Variants in TEAD1 observed in about 807,000 individuals in gnomAD.
TEAD1 encodes the protein transcriptional enhancer factor TEF-1.
In TEAD1, 9 loss-of-function variants were observed where a neutral mutation model predicts 54.9. The ratio of observed to expected loss-of-function variants is 0.16; its 90% CI spans 0.10 to 0.29. TEAD1 has a LOEUF of 0.29. TEAD1 is among the 10% of genes least tolerant of loss of function. The pLI, the probability that TEAD1 is intolerant of heterozygous loss-of-function variation, is 1.00. For missense variants in TEAD1, 387 were observed against 535.9 expected, an observed-to-expected ratio of 0.72 and a Z score of 2.74; for synonymous variants, 200 against 187.8, an observed-to-expected ratio of 1.07 and a Z score of -0.53.
At chr11:12,845,320 A>G (rs775464067) in intron 3 of TEAD1, among the ~76,000 whole-genome samples, 68 of 152,142 alleles carry the variant, frequency 4.5e-4, no homozygotes, top group Non-Finnish European at 8.2e-4. Context: ...CTCTCTCTGC[A>G]GGGAAAGAGA....
chr11:12,878,659 G>T (rs1379825127), intron 5 of TEAD1, among the ~76,000 whole-genome samples: 1 of 151,890 alleles, frequency 6.6e-6, no homozygotes, highest in African/African-American at 2.4e-5. Flanking sequence ...GTTGTTGGGT[G>T]CCCTTCTCAA....
At chr11:12,714,917 C>T (rs1590077044) in intron 2 of TEAD1, among the ~76,000 whole-genome samples, 1 of 152,122 alleles carries the variant, frequency 6.6e-6, no homozygotes, top group East Asian at 1.9e-4. Flanking sequence ...CTTTAAAAGG[C>T]CATGTCTCCA....
At position 12,902,128 on chromosome 11, in the gene TEAD1, G is replaced by T. The variant is rs747285072; in HGVS notation, c.873+15G>T. The T allele has an allele frequency of 6.2e-7, 1 of 1,614,212 alleles. No homozygotes were observed. The highest frequency in any genetic ancestry group is 8.5e-7 in the Non-Finnish European group (1 of 1,180,032). The stretch of plus-strand genomic sequence containing the variant: ...TAAAATTCTGGGTGAGTAAGACATT[G>T]CTGTGATTTCCGTGGTTTTTGTCTG... On this transcript the variant is annotated intron_variant, in intron 10 of 12. Coordinates refer to ENST00000527636, the MANE Select transcript of TEAD1 (RefSeq NM_021961.6).
At chr11:12,681,039 C>G (rs578073673) in intron 2 of TEAD1, among the ~76,000 whole-genome samples, 1 of 152,298 alleles carries the variant, frequency 6.6e-6, no homozygotes, top group South Asian at 2.1e-4. Context: ...GGTGGAATCT[C>G]TTTCAATCCT....
At chr11:12,906,325 A>C (rs1435042324) in intron 10 of TEAD1, among the ~76,000 whole-genome samples, 3 of 152,084 alleles carry the variant, frequency 2.0e-5, no homozygotes, top group Admixed American at 6.6e-5. Context: ...GCAGATCATG[A>C]GGTCAGGAGA....
chr11:12,797,150 T>G (rs528718760), intron 3 of TEAD1, among the ~76,000 whole-genome samples: 2 of 152,274 alleles, frequency 1.3e-5, no homozygotes, highest in African/African-American at 4.8e-5. Flanking sequence ...CCGTTGTAGG[T>G]TTTGTGGTGA....
At chr11:12,763,126 G>C (rs945040679) in intron 2 of TEAD1, among the ~76,000 whole-genome samples, 1 of 152,218 alleles carries the variant, frequency 6.6e-6, no homozygotes, top group Non-Finnish European at 1.5e-5. Flanking sequence ...TACTGGATTA[G>C]ATCATTTTCA....
chr11:12,854,680 C>T (rs1187938058), intron 3 of TEAD1, among the ~76,000 whole-genome samples: 4 of 151,912 alleles, frequency 2.6e-5, no homozygotes, highest in Non-Finnish European at 1.5e-5. Context: ...CATGCTTGAA[C>T]TCCTGGGTTC....
At chr11:12,845,593 G>T (rs1947129855) in intron 3 of TEAD1, among the ~76,000 whole-genome samples, 4 of 152,200 alleles carry the variant, frequency 2.6e-5, no homozygotes, top group African/African-American at 9.7e-5. Context: ...AATGGGAACT[G>T]CACAGCCAGT....
chr11:12,828,274 T>G (rs1463781771), intron 3 of TEAD1: 1 of 152,244 alleles, frequency 6.6e-6, no homozygotes, highest in Non-Finnish European at 1.5e-5. Flanking sequence ...ACAATTGCTG[T>G]GCTTGTTCGG....
At chr11:12,785,973 C>T (rs953778985) in intron 3 of TEAD1, among the ~76,000 whole-genome samples, 1 of 152,168 alleles carries the variant, frequency 6.6e-6, no homozygotes, top group Non-Finnish European at 1.5e-5. Context: ...AGAGCAGCAT[C>T]CTACTCTGCA....
intron 3 of TEAD1, among the ~76,000 whole-genome samples, chr11:12,821,961 C>CTTTTTTTTCTTTTTTTTTTTTT (rs1946557071): frequency 1.5e-5 from 1 of 68,084 alleles, no homozygotes; most frequent in Non-Finnish European, 2.5e-5. Context: ...TTCTCTTTTC[C>CTTTTTTTTCTTTTTTTTTTTTT]TTTTTTTTTT....
chr11:12,899,707 G>T (rs1948387878), intron 9 of TEAD1, among the ~76,000 whole-genome samples: 1 of 152,154 alleles, frequency 6.6e-6, no homozygotes, highest in African/African-American at 2.4e-5. Context: ...CCTGCCAGGT[G>T]GCTAGTCCAT....
intron 3 of TEAD1, among the ~76,000 whole-genome samples, chr11:12,804,455 T>C (rs925352288): frequency 2.0e-5 from 3 of 152,242 alleles, no homozygotes; most frequent in African/African-American, 7.2e-5. Flanking sequence ...TGCTTTTTAA[T>C]TTTATCTACT....
intron 2 of TEAD1, among the ~76,000 whole-genome samples, chr11:12,727,582 A>C (rs377680702): frequency 1.1e-4 from 16 of 152,200 alleles, no homozygotes; most frequent in African/African-American, 3.9e-4. Context: ...CTTTGTAATA[A>C]AAATTTGGGA....
Position 12,881,913 on chromosome 11 carries a change from A to G in TEAD1, c.530A>G (p.Gln177Arg), listed in dbSNP as rs1947979334. The change falls in exon 8 of 13, where the codon CAG (glutamine) becomes CGG (arginine). Residue 177 changes from glutamine to arginine, a missense_variant. Transcript: ENST00000527636. ...GTTCCCAGCGTCAAGCCTTTTGTGC[A>G]GCAGGCCTACCCCATCCAGCCAGCG... 1 of 1,614,212 alleles carries G rather than the reference A, an allele frequency of 6.2e-7. No homozygotes were observed. The highest frequency in any genetic ancestry group is 8.5e-7 in the Non-Finnish European group (1 of 1,180,032).
chr11:12,912,482 C>CA (rs11385550), intron 10 of TEAD1, among the ~76,000 whole-genome samples: 7,172 of 151,982 alleles, frequency 0.047, 300 homozygotes, highest in East Asian at 0.12. Context: ...AGTGGATACT[C>CA]ATGTACAGAC....
chr11:12,890,066 A>G (rs1208481006), intron 9 of TEAD1, among the ~76,000 whole-genome samples: 1 of 152,168 alleles, frequency 6.6e-6, no homozygotes, highest in African/African-American at 2.4e-5. Context: ...CATCACCAGC[A>G]CTTATGAGCT....
chr11:12,907,263 G>A (rs910736903), intron 10 of TEAD1, among the ~76,000 whole-genome samples: 1 of 152,192 alleles, frequency 6.6e-6, no homozygotes, highest in African/African-American at 2.4e-5. Context: ...GCATTGAGGT[G>A]TGTTGCAGCT....
Sources: gnomAD v4.1 joint callset for allele counts (sites outside exome capture counted in the v4.1 genomes callset) on GRCh38, gnomAD v4.1.1 for gene constraint, MANE v1.5 for transcripts, NCBI Gene and HGNC (gene_info 2026-07-23, HGNC 2026-07-21) for gene names.